CACUL1: variants seen among roughly 807,000 people sequenced by gnomAD.
The protein encoded by CACUL1 is CDK2-associated and cullin domain-containing protein 1.
A neutral mutation model predicts 45.2 loss-of-function variants in CACUL1; 13 were observed. That is an observed-to-expected ratio of 0.29 (90% CI 0.19 to 0.46). The LOEUF is 0.46. Ranked by LOEUF, CACUL1 falls within the 20% of genes least tolerant of loss-of-function variation. The pLI, the probability that CACUL1 is intolerant of heterozygous loss-of-function variation, is 1.00. For missense variants in CACUL1, 421 were observed against 471.4 expected (o/e 0.89, Z 0.99); for synonymous variants, 197 against 174.2 (o/e 1.13, Z -1.03).
At chr10:118,689,218 G>A (rs920383659) in intron 7 of CACUL1, among the ~76,000 whole-genome samples, 4 of 152,308 alleles carry the variant, frequency 2.6e-5, no homozygotes, top group African/African-American at 7.2e-5. Context: ...GAAGGTCCAT[G>A]CACAAGAGCA....
At chr10:118,704,287 C>T (rs569985200) in intron 4 of CACUL1, among the ~76,000 whole-genome samples, 2 of 152,170 alleles carry the variant, frequency 1.3e-5, no homozygotes, top group Admixed American at 1.3e-4. Flanking sequence ...GAAATGTCAC[C>T]TTTCTACTAA....
At position 118,754,882 on chromosome 10, in the gene CACUL1, A is replaced by C; in HGVS notation, c.-120T>G. 5 of 1,380,656 alleles carry C rather than the reference A, an allele frequency of 3.6e-6. No individual in the cohort carries two copies. Among genetic ancestry groups the C allele is most frequent in the Non-Finnish European group, 4.9e-6 (5 of 1,028,850 alleles). The allele number at this position is 1,380,656 out of a possible 1,614,324, so 85.5% of individuals were successfully genotyped here. A position where few individuals can be genotyped will look rare whatever the true frequency, so the allele number is the denominator to read the frequency against. On this transcript the variant is annotated 5_prime_UTR_variant, in exon 1 of 9. Transcript: ENST00000369151. ...CCGGCGGCAGGAATGGGCGCAGCGG[A>C]GAGGGCTGCGGTGCGCAGGGTCTCT...
intron 1 of CACUL1, among the ~76,000 whole-genome samples, chr10:118,741,340 T>C (rs996487758): frequency 2.2e-4 from 33 of 152,240 alleles, no homozygotes; most frequent in African/African-American, 7.9e-4. Context: ...TGTTTCAGGG[T>C]AAAATTTTGC....
At chr10:118,691,650 G>A (rs1401868651) in intron 6 of CACUL1, 6 of 340,748 alleles carry the variant, frequency 1.8e-5, no homozygotes, top group Admixed American at 9.3e-5. Flanking sequence ...GGTGGATCAC[G>A]AGGTCAGGAG....
intron 6 of CACUL1, among the ~76,000 whole-genome samples, chr10:118,693,977 CAATCA>C (rs1845296622): frequency 6.6e-6 from 1 of 152,080 alleles, no homozygotes; most frequent in Non-Finnish European, 1.5e-5. Flanking sequence ...TGCAGTGGTA[CAATCA>C]GCTCAGGAAG....
At chr10:118,743,273 C>G (rs1429003006) in intron 1 of CACUL1, among the ~76,000 whole-genome samples, 1 of 152,010 alleles carries the variant, frequency 6.6e-6, no homozygotes, top group Non-Finnish European at 1.5e-5. Flanking sequence ...ATATGTGTAA[C>G]TAGTGGCAGG....
intron 4 of CACUL1, among the ~76,000 whole-genome samples, chr10:118,706,721 A>G (rs1000843008): frequency 1.1e-4 from 17 of 152,238 alleles, no homozygotes; most frequent in Admixed American, 2.0e-4. Flanking sequence ...GTTGTCAGTA[A>G]CCAAGAAATA....
rs1225329671 is a variant in CACUL1, at chr10:118,686,240, T to A, written c.1070-72A>T. ...TTGATAACAGCAGGAATCTGTTTAT[T>A]CAACACACATTTCTCACTCCTCTCC... is the stretch of plus-strand genomic sequence containing the variant. On this transcript the variant is annotated intron_variant, in intron 8 of 8. Coordinates refer to ENST00000369151, the MANE Select transcript of CACUL1 (RefSeq NM_153810.5). The A allele has an allele frequency of 4.0e-5, 51 of 1,260,166 alleles. No individual in the cohort carries two copies. The South Asian group carries it at 4.7e-4, about 12-fold the overall frequency. 78.1% of individuals were successfully genotyped at this position (1,260,166 alleles called of 1,614,324 possible).
intron 4 of CACUL1, among the ~76,000 whole-genome samples, chr10:118,706,339 G>A (rs1845431584): frequency 6.6e-6 from 1 of 152,062 alleles, no homozygotes; most frequent in South Asian, 2.1e-4. Context: ...TTCCATACCT[G>A]GTCTCTACTG....
intron 3 of CACUL1, among the ~76,000 whole-genome samples, chr10:118,718,353 G>A (rs918819874): frequency 1.3e-5 from 2 of 152,160 alleles, no homozygotes; most frequent in Non-Finnish European, 2.9e-5. Flanking sequence ...GGGAGAGTCG[G>A]GGAGGGAACT....
chr10:118,752,096 G>T (rs946971942), intron 1 of CACUL1, among the ~76,000 whole-genome samples: 3 of 152,080 alleles, frequency 2.0e-5, no homozygotes, highest in African/African-American at 7.2e-5. Flanking sequence ...ATCTAGGTAG[G>T]TGATCATATT....
intron 3 of CACUL1, among the ~76,000 whole-genome samples, chr10:118,720,160 A>G (rs557295976): frequency 1.7e-4 from 26 of 152,106 alleles, no homozygotes; most frequent in Non-Finnish European, 3.8e-4. Context: ...TCCAAATACT[A>G]TTTGGACTTA....
At position 118,682,838 on chromosome 10, in the gene CACUL1, A is replaced by G. The variant is rs2119532198; in HGVS notation, c.*3290T>C. 2 of 152,692 alleles carry G rather than the reference A, an allele frequency of 1.3e-5. 1 individual carries two copies. The highest frequency in any genetic ancestry group is 3.9e-4 in the East Asian group (2 of 5,174). The allele number at this position is 152,692 out of a possible 1,614,324, so 9.5% of individuals were successfully genotyped here. A position where few individuals can be genotyped will look rare whatever the true frequency, so the allele number is the denominator to read the frequency against. On this transcript the variant is annotated 3_prime_UTR_variant, in exon 9 of 9. Coordinates refer to ENST00000369151, the MANE Select transcript of CACUL1 (RefSeq NM_153810.5). The stretch of plus-strand genomic sequence containing the variant: ...CTTCTGCAATCTCATCTACCCACAA[A>G]TTAGCTTTCACTCTAGACCCCAAAG...
chr10:118,751,668 G>A (rs949797661), intron 1 of CACUL1, among the ~76,000 whole-genome samples: 11 of 152,118 alleles, frequency 7.2e-5, no homozygotes, highest in African/African-American at 2.4e-4. Flanking sequence ...GATTGATTCT[G>A]TTATTCACAA....
At chr10:118,738,387 C>G (rs903520305) in intron 1 of CACUL1, among the ~76,000 whole-genome samples, 3 of 152,136 alleles carry the variant, frequency 2.0e-5, no homozygotes, top group Non-Finnish European at 4.4e-5. Flanking sequence ...CAGAAGTCAG[C>G]GTAAGAAATG....
intron 3 of CACUL1, among the ~76,000 whole-genome samples, chr10:118,719,450 C>A (rs1845580238): frequency 6.6e-6 from 1 of 152,158 alleles, no homozygotes; most frequent in African/African-American, 2.4e-5. Context: ...CTGCCATGGA[C>A]AGATGTGTCA....
At chr10:118,748,009 C>G (rs1281278194) in intron 1 of CACUL1, among the ~76,000 whole-genome samples, 1 of 152,016 alleles carries the variant, frequency 6.6e-6, no homozygotes, top group Non-Finnish European at 1.5e-5. Flanking sequence ...CACTTGAACC[C>G]GGGAGCCAGA....
intron 3 of CACUL1, among the ~76,000 whole-genome samples, chr10:118,708,041 T>C (rs1472151270): frequency 2.0e-5 from 3 of 149,676 alleles, no homozygotes. Flanking sequence ...CCTAGCCACT[T>C]GGGAGGCTCA....
Position 118,739,194 on chromosome 10 carries a change from C to CA in CACUL1, c.368-8785dup, listed in dbSNP as rs79882764. On this transcript the variant is annotated intron_variant, in intron 1 of 8. Transcript: ENST00000369151. ...CTGGGTGACAGAGACTCCTCCGTCT[C>CA]AAAAAAAAAAAAAGGTCAGTGTTAA... 6.0e-3 allele frequency among the ~76,000 whole-genome samples: 756 copies of CA among 125,472 alleles called. 1 individual carries two copies. Among genetic ancestry groups the CA allele is most frequent in the East Asian group, 0.023 (104 of 4,478 alleles). The allele number at this position is 125,472 out of a possible 152,430, so 82.3% of individuals were successfully genotyped here. A position where few individuals can be genotyped will look rare whatever the true frequency, so the allele number is the denominator to read the frequency against.
Sources: allele counts gnomAD v4.1 joint callset (sites outside exome capture counted in the v4.1 genomes callset), GRCh38; gene constraint gnomAD v4.1.1; transcripts MANE v1.5; gene names NCBI Gene and HGNC (gene_info 2026-07-23, HGNC 2026-07-21).